The following ASPM variants were observed in gnomAD, a reference collection of about 807,000 sequenced individuals.
ASPM encodes assembly factor for spindle microtubules, also known as abnormal spindle-like microcephaly-associated protein.
A neutral mutation model predicts 366.4 loss-of-function variants in ASPM; 256 were observed. That is an observed-to-expected ratio of 0.70 (90% CI 0.63 to 0.77). The LOEUF is 0.77. Ranked by LOEUF, ASPM falls within the 30% of genes least tolerant of loss-of-function variation. The probability of loss-of-function intolerance (pLI) is 0.00; values close to 1 mark genes in which losing one functional copy is unlikely to be tolerated. For synonymous variants in ASPM, 1,414 were observed against 1,342.9 expected (o/e 1.05, Z -1.16); for missense variants, 4,146 against 4,090.4 (o/e 1.01, Z -0.37).
At position 197,103,926 on chromosome 1, in the gene ASPM, A is replaced by G; in HGVS notation, c.5325T>C (p.Tyr1775=). 6.2e-7 allele frequency: 1 copy of G among 1,612,784 alleles called. No homozygotes were observed. Among genetic ancestry groups the G allele is most frequent in the Non-Finnish European group, 8.5e-7 (1 of 1,179,344 alleles). The change falls in exon 18 of 28, where the codon TAT becomes TAC. Residue 1775 remains tyrosine, a synonymous_variant. Transcript: ENST00000367409. ...AATTCTGAATGACAATAATTGCTTT[A>G]TACATTTTCAGATAATACTGCCGAG... The part of the protein sequence containing the change: ...RKARQYYLKM[Y]KAIIVIQNYY...
At chr1:197,123,901 T>C (rs1432005133) in intron 13 of ASPM, among the ~76,000 whole-genome samples, 2 of 152,172 alleles carry the variant, frequency 1.3e-5, no homozygotes, top group Admixed American at 1.3e-4. Flanking sequence ...ATATTTTTCT[T>C]TTCTTGATAA....
chr1:197,122,219 A>T lies in ASPM; in HGVS notation c.3681T>A (p.Leu1227=). The T allele has an allele frequency of 6.2e-7, 1 of 1,612,588 alleles. No homozygotes were observed. Residue 1227 remains leucine, a synonymous_variant, in exon 15 of 28, where the codon CTT becomes CTA. Transcript: ENST00000367409. ...GATTAATCATAGCAGGTATTCCACCAAGGTCTCTAACTGCAGACCTAACCA... is the reference window on the plus strand; with the variant it reads ...GATTAATCATAGCAGGTATTCCACCTAGGTCTCTAACTGCAGACCTAACCA... ...FHLVRSAVRD[L]GGIPAMINHS...
Position 197,101,213 on chromosome 1 carries a change from T to C in ASPM, c.8038A>G (p.Lys2680Glu). The C allele has an allele frequency of 1.2e-6, 2 of 1,612,354 alleles. No individual in the cohort carries two copies. The highest frequency in any genetic ancestry group is 2.2e-5 in the South Asian group (2 of 91,036). Residue 2680 changes from lysine (K) to glutamate (E), a missense_variant, in exon 18 of 28, where the codon AAA (lysine) becomes GAA (glutamate). Coordinates refer to ENST00000367409, the MANE Select transcript of ASPM (RefSeq NM_018136.5). ...ATATTTTGAATATCCTTTCGTACTT[T>C]AAAGCCTCTGTAATAAGACTGTATA... is the stretch of plus-strand genomic sequence containing the variant. ...ICIQSYYRGF[K>E]VRKDIQNMHR...
chr1:197,114,744 T>A (rs1657692806), intron 17 of ASPM, among the ~76,000 whole-genome samples: 1 of 151,322 alleles, frequency 6.6e-6, no homozygotes, highest in Non-Finnish European at 1.5e-5. Flanking sequence ...TGGCTAGTTA[T>A]TTTATTTATT....
chr1:197,103,199 A>C lies in ASPM; in HGVS notation c.6052T>G (p.Leu2018Val). 1 of 1,612,730 alleles carries C rather than the reference A, an allele frequency of 6.2e-7. No individual in the cohort carries two copies. The highest frequency in any genetic ancestry group is 8.5e-7 in the Non-Finnish European group (1 of 1,179,404). Residue 2018 changes from leucine to valine, a missense_variant, in exon 18 of 28, where the codon TTG becomes GTG. This residue lies in a region of ASPM where 3,624 missense variants were observed against 3,591.7 expected (regional missense o/e 1.01). Transcript: ENST00000367409. ...GTTACTACAGCTGCTTTTGTTTTCA[A>C]ATATAAATGATTCTGTTCTCTTCCA... ...SIGREQNHLY[L>V]KTKAAVVTLQ...
chr1:197,086,631 T>G (rs1656596257), intron 27 of ASPM, among the ~76,000 whole-genome samples, 172 bp downstream of exon 27: 1 of 152,232 alleles, frequency 6.6e-6, no homozygotes. Flanking sequence ...ATAATGTTAT[T>G]TCTTTATTTA....
chr1:197,145,047 G>C (rs1255357500), intron 1 of ASPM, among the ~76,000 whole-genome samples: 4 of 152,064 alleles, frequency 2.6e-5, no homozygotes, highest in Non-Finnish European at 5.9e-5. Flanking sequence ...AGCAGGCAGT[G>C]ATTCATGAAA....
At chr1:197,099,191 T>C (rs1158050324) in intron 18 of ASPM, among the ~76,000 whole-genome samples, 1 of 151,630 alleles carries the variant, frequency 6.6e-6, no homozygotes, top group African/African-American at 2.4e-5. Flanking sequence ...TCTTGCTCCT[T>C]TTCCAGTCCA....
intron 4 of ASPM, among the ~76,000 whole-genome samples, chr1:197,137,724 G>A (rs1220878048): frequency 4.6e-5 from 7 of 152,084 alleles, no homozygotes; most frequent in East Asian, 1.9e-4. Flanking sequence ...CAAGTGATCC[G>A]CCCACTTTGG....
At chr1:197,146,028 C>T (rs1415622184) in intron 1 of ASPM, 113 bp downstream of exon 1, 1 of 1,371,822 alleles carries the variant, frequency 7.3e-7, no homozygotes, top group South Asian at 1.2e-5. Context: ...ACTTTATTCT[C>T]TAAGGGTCTT....
Position 197,124,250 on chromosome 1 carries a change from ATAT to A in ASPM, c.3247_3249del (p.Ile1083del). 1 of 1,608,620 alleles carries A rather than the reference ATAT, an allele frequency of 6.2e-7. No individual in the cohort carries two copies. Among genetic ancestry groups the A allele is most frequent in the Non-Finnish European group, 8.5e-7 (1 of 1,175,606 alleles). ...TCATCAGAATGGCATGATAGTAGAG[ATAT>A]TGTTTTCTTTATACTCTTTGTGTGT... On this transcript the variant is annotated inframe_deletion, in exon 13 of 28. Transcript: ENST00000367409.
In ASPM at chr1:197,122,594, A is replaced by G. The variant is rs763803405; in HGVS notation, c.3392T>C (p.Val1131Ala). The G allele has an allele frequency of 1.9e-6, 3 of 1,599,284 alleles. No individual in the cohort carries two copies. The East Asian group carries it at 6.8e-5, about 36-fold the overall frequency. The change falls in exon 14 of 28, where the codon GTG becomes GCG. Residue 1131 changes from valine (V) to alanine (A), a missense_variant and splice_region_variant. By Grantham distance (64) the Val-to-Ala change is moderately conservative. Transcript: ENST00000367409. ...TGAGAAAGACACTGTAAAATTCTCC[A>G]CCTGATTGAAAATGCCAGAAAAACA... is the stretch of plus-strand genomic sequence containing the variant. ...NAVCAFYNKKVENFTVSFSDG... is the reference protein window; with the variant it reads ...NAVCAFYNKKAENFTVSFSDG...
chr1:197,090,244 A>C lies in ASPM; in HGVS notation c.9781T>G (p.Leu3261Val), dbSNP rs749374936. The change falls in exon 24 of 28, where the codon TTG (leucine) becomes GTG (valine). Residue 3261 changes from leucine to valine, a missense_variant. Leu to Val is a conservative substitution (Grantham distance 32). This residue lies in a region of ASPM where 3,624 missense variants were observed against 3,591.7 expected (regional missense o/e 1.01). Coordinates refer to ENST00000367409, the MANE Select transcript of ASPM (RefSeq NM_018136.5). The stretch of plus-strand genomic sequence containing the variant: ...ATGGCAGAAAGGTGCTTATATGTCA[A>C]AAGGTAATGAAGTGCAAGTGCAGTT... ...KRTALALHYL[L>V]TYKHLSAILE... is the part of the protein sequence containing the mutation. 1.5e-5 allele frequency: 24 copies of C among 1,613,480 alleles called. No homozygotes were observed. Among genetic ancestry groups the C allele is most frequent in the Non-Finnish European group, 1.9e-5 (23 of 1,179,714 alleles).
chr1:197,105,087 T>TATACTTCC lies in ASPM; in HGVS notation c.4163_4164insGGAAGTAT (p.Ser1389GlufsTer23). The TATACTTCC allele has an allele frequency of 6.2e-7, 1 of 1,609,794 alleles. No homozygotes were observed. The highest frequency in any genetic ancestry group is 8.5e-7 in the Non-Finnish European group (1 of 1,176,924). On this transcript the variant is annotated frameshift_variant, in exon 18 of 28. Coordinates refer to ENST00000367409, the MANE Select transcript of ASPM (RefSeq NM_018136.5). LOFTEE classifies it high-confidence loss of function. ...TAGCCCAAAGATATCGTTTATAAGA[T>TATACTTCC]GTAACAGCAATTATCATTCTTATCC...
chr1:197,109,479 A>G (rs1331022297), intron 17 of ASPM, among the ~76,000 whole-genome samples: 1 of 152,110 alleles, frequency 6.6e-6, no homozygotes, highest in East Asian at 1.9e-4. Context: ...AAGCTAAGAA[A>G]CAGAGACTCC....
At chr1:197,122,703 TC>T in intron 13 of ASPM, 108 bp from the exon 14 acceptor site, 1 of 1,099,720 alleles carries the variant, frequency 9.1e-7, no homozygotes, top group South Asian at 1.3e-5. Context: ...GAGTGACAAA[TC>T]TACAAGGCAA....
chr1:197,089,481 C>T (rs1656702644), intron 25 of ASPM, among the ~76,000 whole-genome samples: 1 of 152,006 alleles, frequency 6.6e-6, no homozygotes, highest in African/African-American at 2.4e-5. Flanking sequence ...ATCACCACCT[C>T]TAAAGGCAGA....
chr1:197,135,616 T>C (rs1317858193), intron 4 of ASPM, among the ~76,000 whole-genome samples: 1 of 148,890 alleles, frequency 6.7e-6, no homozygotes, highest in Non-Finnish European at 1.5e-5. Context: ...TCACCTTAAA[T>C]ATCTGTCTTT....
At position 197,095,154 on chromosome 1, in the gene ASPM, T is replaced by C. The variant is rs1656930306; in HGVS notation, c.8987+844A>G. Reference sequence around the variant, plus strand: ...ATATACAATAAATTATTGTTAACTATAGTTGCCCTATTGTGCTACTAAACA... The same window carrying C: ...ATATACAATAAATTATTGTTAACTACAGTTGCCCTATTGTGCTACTAAACA... On this transcript the variant is annotated intron_variant, in intron 19 of 27. Transcript: ENST00000367409. 2.0e-5 allele frequency among the ~76,000 whole-genome samples: 3 copies of C among 151,778 alleles called. No individual in the cohort carries two copies. The South Asian group carries it at 6.2e-4, about 31-fold the overall frequency.
Sources: allele counts gnomAD v4.1 joint callset (sites outside exome capture counted in the v4.1 genomes callset), GRCh38; gene constraint gnomAD v4.1.1; regional missense constraint gnomAD v4.1.1; transcripts MANE v1.5; gene names NCBI Gene and HGNC (gene_info 2026-07-23, HGNC 2026-07-21).